Variants in GRM7 observed in about 807,000 individuals in gnomAD.
GRM7 encodes the protein glutamate metabotropic receptor 7.
In GRM7, 35 loss-of-function variants were observed where a neutral mutation model predicts 84.5. That is an observed-to-expected ratio of 0.41 (90% confidence interval 0.32 to 0.55). GRM7 has a LOEUF of 0.55. GRM7 is among the 20% of genes least tolerant of loss of function. The pLI, the probability that GRM7 is intolerant of heterozygous loss-of-function variation, is 0.19. For missense variants in GRM7, 1,003 were observed against 1,194.6 expected (o/e 0.84, Z 2.36); for synonymous variants, 487 against 455.1 (o/e 1.07, Z -0.89).
At chr3:7,252,955 G>T (rs1390830254) in intron 2 of GRM7, among the ~76,000 whole-genome samples, 1 of 144,904 alleles carries the variant, frequency 6.9e-6, no homozygotes, top group Non-Finnish European at 1.5e-5. Flanking sequence ...CTCCCAAAGT[G>T]CTGGGATTAC....
At chr3:6,922,913 A>C (rs1337441434) in intron 1 of GRM7, among the ~76,000 whole-genome samples, 1 of 152,248 alleles carries the variant, frequency 6.6e-6, no homozygotes, top group East Asian at 1.9e-4. Context: ...AAGAGAAAAT[A>C]GGAGAACTGC....
At chr3:7,396,950 A>T (rs2125151644) in intron 4 of GRM7, among the ~76,000 whole-genome samples, 1 of 152,168 alleles carries the variant, frequency 6.6e-6, no homozygotes, top group South Asian at 2.1e-4. Flanking sequence ...AAGAAAACAA[A>T]AGTACCCCAG....
At chr3:7,619,129 T>C (rs550447958) in intron 8 of GRM7, among the ~76,000 whole-genome samples, 2 of 152,222 alleles carry the variant, frequency 1.3e-5, no homozygotes, top group Admixed American at 1.3e-4. Context: ...CTTATTTTAG[T>C]CGGCCCATTT....
At chr3:7,500,173 T>C (rs1235612419) in intron 7 of GRM7, among the ~76,000 whole-genome samples, 1 of 152,234 alleles carries the variant, frequency 6.6e-6, no homozygotes, top group East Asian at 1.9e-4. Flanking sequence ...AGGTATCTTC[T>C]TGAATTCACT....
At chr3:7,176,799 C>A (rs917117425) in intron 2 of GRM7, among the ~76,000 whole-genome samples, 1 of 152,160 alleles carries the variant, frequency 6.6e-6, no homozygotes, top group African/African-American at 2.4e-5. Flanking sequence ...GAGGTCCACA[C>A]CTCAACTATT....
At chr3:7,002,790 A>G (rs1695058558) in intron 1 of GRM7, among the ~76,000 whole-genome samples, 1 of 152,196 alleles carries the variant, frequency 6.6e-6, no homozygotes, top group African/African-American at 2.4e-5. Context: ...CTCCACTCCC[A>G]TGTTCATTTA....
chr3:7,630,654 G>C (rs1414612730), intron 8 of GRM7, among the ~76,000 whole-genome samples: 1 of 152,116 alleles, frequency 6.6e-6, no homozygotes, highest in Non-Finnish European at 1.5e-5. Flanking sequence ...TCCCATGAGA[G>C]CATTTAACGT....
At chr3:7,407,708 G>A (rs1056016754) in intron 4 of GRM7, among the ~76,000 whole-genome samples, 4 of 152,174 alleles carry the variant, frequency 2.6e-5, no homozygotes, top group African/African-American at 7.2e-5. Context: ...TAGTTTGATA[G>A]CAAAACAAAA....
chr3:7,558,385 C>A (rs1239284000), intron 7 of GRM7, among the ~76,000 whole-genome samples: 1 of 151,688 alleles, frequency 6.6e-6, no homozygotes, highest in Non-Finnish European at 1.5e-5. Flanking sequence ...GTTTTTAGTT[C>A]TGAAGAAGTT....
chr3:6,861,137 C>A lies in GRM7; in HGVS notation c.-252C>A, dbSNP rs983937572. On this transcript the variant is annotated 5_prime_UTR_variant, in exon 1 of 10. Transcript: ENST00000357716. This position sits in a 1 kb window ranked among gnomAD's most constrained non-coding sequence, Gnocchi z 6.4. Reference sequence around the variant, plus strand: ...CCCAGTGCTGGGCTGTTGGAGAGAGCGAGCAGCAAGCCGGTGAGCGCGAGC... The same window carrying A: ...CCCAGTGCTGGGCTGTTGGAGAGAGAGAGCAGCAAGCCGGTGAGCGCGAGC... 1.9e-5 allele frequency: 8 copies of A among 415,476 alleles called. No homozygotes were observed. The highest frequency in any genetic ancestry group is 3.4e-5 in the Non-Finnish European group (8 of 237,452). 25.7% of individuals were successfully genotyped at this position (415,476 alleles called of 1,614,324 possible).
chr3:7,543,977 A>C (rs1328478889), intron 7 of GRM7, among the ~76,000 whole-genome samples: 2 of 152,200 alleles, frequency 1.3e-5, no homozygotes, highest in Non-Finnish European at 1.5e-5. Context: ...CAGTTGTATA[A>C]GTTCCACAAT....
chr3:7,138,163 A>G (rs1476121984), intron 1 of GRM7, among the ~76,000 whole-genome samples: 1 of 152,054 alleles, frequency 6.6e-6, no homozygotes, highest in African/African-American at 2.4e-5. Context: ...TATCTACTCA[A>G]AAACAAAAAA....
Position 7,692,317 on chromosome 3 carries a change from G to A in GRM7, c.2698+12022G>A, listed in dbSNP as rs536845437. On this transcript the variant is annotated intron_variant, in intron 9 of 9. Transcript: ENST00000357716. ...AAGAGCATTTTAAGTACAAATAATA[G>A]TTCTGGGGTATGTCTTGAGTGATAG... is the stretch of plus-strand genomic sequence containing the variant. Among the ~76,000 whole-genome samples, 19 of 152,274 alleles carry A rather than the reference G, an allele frequency of 1.2e-4. No homozygotes were observed. The South Asian group carries it at 3.5e-3, about 28-fold the overall frequency.
rs566757321 is a variant in GRM7 at position 7,259,876 on chromosome 3, C to T, written c.737-38808C>T. ...TTGGAGGAATCGCCACACTGCGTTC[C>T]ACAATGGTTGAACTAACCTACGTGC... On this transcript the variant is annotated intron_variant, in intron 2 of 9. Coordinates refer to ENST00000357716, the MANE Select transcript of GRM7 (RefSeq NM_000844.4). Among the ~76,000 whole-genome samples the T allele has an allele frequency of 2.4e-4, 36 of 150,916 alleles. No homozygotes were observed. In the South Asian group the frequency reaches 6.1e-3, roughly 26 times the overall value.
intron 1 of GRM7, among the ~76,000 whole-genome samples, chr3:7,064,463 C>CATATACATAT (rs1697555439): frequency 1.1e-5 from 1 of 87,366 alleles, no homozygotes; most frequent in Non-Finnish European, 2.3e-5. Flanking sequence ...GATATATATA[C>CATATACATAT]ATATATATAT....
At chr3:7,442,995 C>T (rs1005372339) in intron 5 of GRM7, among the ~76,000 whole-genome samples, 2 of 151,008 alleles carry the variant, frequency 1.3e-5, no homozygotes, top group African/African-American at 4.9e-5. Context: ...CTTATATCAT[C>T]TTGATCTTCT....
At chr3:7,488,126 T>C (rs1248904915) in intron 7 of GRM7, among the ~76,000 whole-genome samples, 3 of 152,192 alleles carry the variant, frequency 2.0e-5, no homozygotes, top group African/African-American at 7.2e-5. Flanking sequence ...TCTTTCCTTT[T>C]TGAAATGGGA....
At chr3:6,970,573 G>T (rs944476582) in intron 1 of GRM7, among the ~76,000 whole-genome samples, 1 of 152,188 alleles carries the variant, frequency 6.6e-6, no homozygotes, top group African/African-American at 2.4e-5. Context: ...AGGGAAAGCC[G>T]TGGTGGGAAT....
At chr3:7,037,212 A>T (rs1385647791) in intron 1 of GRM7, among the ~76,000 whole-genome samples, 2 of 152,160 alleles carry the variant, frequency 1.3e-5, no homozygotes, top group African/African-American at 4.8e-5. Context: ...CATTAGCTTC[A>T]TTTAGAAAAA....
Sources: allele counts gnomAD v4.1 joint callset (sites outside exome capture counted in the v4.1 genomes callset), GRCh38; gene constraint gnomAD v4.1.1; non-coding constraint Gnocchi (gnomAD v3.1); transcripts MANE v1.5; gene names NCBI Gene and HGNC (gene_info 2026-07-23, HGNC 2026-07-21).